Variants in UTP23 observed in about 807,000 individuals in gnomAD.
UTP23 encodes rRNA-processing protein UTP23 homolog.
In UTP23, 10 loss-of-function variants were observed where a neutral mutation model predicts 19.8. That is an observed-to-expected ratio of 0.50 (90% CI 0.31 to 0.86). The LOEUF (loss-of-function observed/expected upper bound fraction) is 0.86. Ranked by LOEUF, UTP23 falls within the 40% of genes least tolerant of loss-of-function variation. The pLI is 0.05. For missense variants in UTP23, 282 were observed against 293.1 expected (o/e 0.96, Z 0.28); for synonymous variants, 108 against 105.4 (o/e 1.02, Z -0.15).
intron 1 of UTP23, 44 bp from the exon 2 acceptor site, chr8:116,770,148 T>C (rs1457818558): frequency 2.0e-6 from 3 of 1,471,344 alleles, no homozygotes; most frequent in African/African-American, 1.4e-5. Context: ...TTTTACACCT[T>C]ATGTAAACAA....
At chr8:116,769,334 GAGAT>G (rs1295485004) in intron 1 of UTP23, among the ~76,000 whole-genome samples, 1 of 152,206 alleles carries the variant, frequency 6.6e-6, no homozygotes, top group Non-Finnish European at 1.5e-5. Flanking sequence ...CTACGTTACT[GAGAT>G]AGATAGGTTG....
Position 116,766,722 on chromosome 8 carries a change from G to A in UTP23, c.119G>A (p.Arg40Gln). Reference sequence around the variant, plus strand: ...GGCACCTTCTGTCAGGCGGCGCTGCGGGGCCGCATCCAGCTGCGGGAGCAG... The same window carrying A: ...GGCACCTTCTGTCAGGCGGCGCTGCAGGGCCGCATCCAGCTGCGGGAGCAG... Reference protein sequence around the residue: ...LDGTFCQAALRGRIQLREQLP... With the variant: ...LDGTFCQAALQGRIQLREQLP... The change falls in exon 1 of 3, where the codon CGG becomes CAG. Residue 40 changes from arginine (R) to glutamine (Q), a missense_variant. Transcript: ENST00000309822. The A allele has an allele frequency of 6.2e-7, 1 of 1,609,980 alleles. No homozygotes were observed. The highest frequency in any genetic ancestry group is 1.7e-5 in the Admixed American group (1 of 59,268).
chr8:116,768,473 C>A (rs1221792644), intron 1 of UTP23, among the ~76,000 whole-genome samples: 3 of 152,192 alleles, frequency 2.0e-5, no homozygotes, highest in Admixed American at 2.0e-4. Context: ...TGAAACCTCT[C>A]TCCAGCTTTT....
At position 116,770,364 on chromosome 8, in the gene UTP23, C is replaced by A; in HGVS notation, c.361C>A (p.Gln121Lys). The change falls in exon 2 of 3, where the codon CAG becomes AAG. Residue 121 changes from glutamine (Q) to lysine (K), a missense_variant and splice_region_variant. By Grantham distance (53) the Gln-to-Lys change is moderately conservative (BLOSUM62 1). Transcript: ENST00000309822. ...TCCTCATCATTATTTTGTGGCAACA[C>A]AGGTGATACTACTTTTAAAACCACA... ...GNPHHYFVAT[Q>K]DQNLSVKVKK... is the part of the protein sequence containing the mutation. The A allele has an allele frequency of 6.2e-7, 1 of 1,607,724 alleles. No homozygotes were observed. The highest frequency in any genetic ancestry group is 8.5e-7 in the Non-Finnish European group (1 of 1,174,976).
Position 116,773,137 on chromosome 8 carries a change from G to T in UTP23, c.*1295G>T. 1 of 985,388 alleles carries T rather than the reference G, an allele frequency of 1.0e-6. No individual in the cohort carries two copies. Among genetic ancestry groups the T allele is most frequent in the Non-Finnish European group, 1.2e-6 (1 of 829,924 alleles). The allele number at this position is 985,388 out of a possible 1,614,324, so 61.0% of individuals were successfully genotyped here. A position where few individuals can be genotyped will look rare whatever the true frequency, so the allele number is the denominator to read the frequency against. ...AAGGAGTGACACGTAGACTAATCTG[G>T]CAAGCCAAGGTAGTGTTTGGATTGC... is the stretch of plus-strand genomic sequence containing the variant. On this transcript the variant is annotated 3_prime_UTR_variant, in exon 3 of 3. Coordinates refer to ENST00000309822, the MANE Select transcript of UTP23 (RefSeq NM_032334.3).
chr8:116,771,892 C>A lies in UTP23; in HGVS notation c.*50C>A. 1 of 1,490,186 alleles carries A rather than the reference C, an allele frequency of 6.7e-7. No homozygotes were observed. Among genetic ancestry groups the A allele is most frequent in the Non-Finnish European group, 8.9e-7 (1 of 1,128,152 alleles). 92.3% of individuals were successfully genotyped at this position (1,490,186 alleles called of 1,614,324 possible). Reference sequence around the variant, plus strand: ...TTCAAATGTGAAAATGAATTTTTTACAACTAGAAGTATTTATAATAAAAGA... The same window carrying A: ...TTCAAATGTGAAAATGAATTTTTTAAAACTAGAAGTATTTATAATAAAAGA... On this transcript the variant is annotated 3_prime_UTR_variant, in exon 3 of 3. Coordinates refer to ENST00000309822, the MANE Select transcript of UTP23 (RefSeq NM_032334.3).
At chr8:116,766,930 A>G in intron 1 of UTP23, 139 bp downstream of exon 1, 1 of 832,190 alleles carries the variant, frequency 1.2e-6, no homozygotes, top group Non-Finnish European at 1.8e-6. Context: ...TTAAGTGGAG[A>G]GGTGAAGGTG....
At chr8:116,770,978 A>T (rs1376508387) in intron 2 of UTP23, 1 of 152,576 alleles carries the variant, frequency 6.6e-6, no homozygotes, top group East Asian at 1.9e-4. Context: ...ATCTTCTTGA[A>T]GGCAGGAGAA....
intron 1 of UTP23, 115 bp downstream of exon 1, chr8:116,766,906 C>T: frequency 1.9e-6 from 2 of 1,050,580 alleles, no homozygotes; most frequent in African/African-American, 1.6e-5. Flanking sequence ...GCCCCGCCCA[C>T]GTGGAGTTGA....
intron 1 of UTP23, among the ~76,000 whole-genome samples, chr8:116,768,730 T>A (rs1159556549): frequency 1.3e-5 from 2 of 152,226 alleles, no homozygotes; most frequent in African/African-American, 4.8e-5. Flanking sequence ...AGTGGTGCGA[T>A]CATGGCTCAC....
chr8:116,769,977 A>C, intron 1 of UTP23: 1 of 405,328 alleles, frequency 2.5e-6, no homozygotes, highest in East Asian at 3.6e-5. Context: ...AGCAATTTGC[A>C]TACTACATGG....
chr8:116,766,805 G>T lies in UTP23; in HGVS notation c.188+14G>T, dbSNP rs556843582. ...GTGCACCACAAGGTGGGCCCGGGGG[G>T]CTGGGGAGGAGGCACAGAGGGTCCG... On this transcript the variant is annotated intron_variant, in intron 1 of 2. Transcript: ENST00000309822. 25 of 1,518,360 alleles carry T rather than the reference G, an allele frequency of 1.6e-5. No homozygotes were observed. In the Middle Eastern group the frequency reaches 5.3e-4, roughly 32 times the overall value. The allele number at this position is 1,518,360 out of a possible 1,614,324, so 94.1% of individuals were successfully genotyped here.
chr8:116,769,909 A>G (rs1047920207), intron 1 of UTP23, among the ~76,000 whole-genome samples: 2 of 152,232 alleles, frequency 1.3e-5, no homozygotes, highest in African/African-American at 4.8e-5. Flanking sequence ...GATAATTTCA[A>G]GGTAAGCGAC....
At chr8:116,770,149 A>G in intron 1 of UTP23, 43 bp from the exon 2 acceptor site, 1 of 1,474,990 alleles carries the variant, frequency 6.8e-7, no homozygotes, top group African/African-American at 1.4e-5. Context: ...TTTACACCTT[A>G]TGTAAACAAG....
intron 1 of UTP23, chr8:116,767,020 C>T: frequency 2.1e-6 from 1 of 467,464 alleles, no homozygotes; most frequent in Non-Finnish European, 3.8e-6. Context: ...CGAATGAGAG[C>T]ACATTATAGC....
rs1815675383 is a variant in UTP23, at chr8:116,772,735, G to T, written c.*893G>T. ...TTTGAGATTGACTGTGAATGTTATT[G>T]AAAAGTGTCTAAATTAGTCTGAGGA... On this transcript the variant is annotated 3_prime_UTR_variant, in exon 3 of 3. Coordinates refer to ENST00000309822, the MANE Select transcript of UTP23 (RefSeq NM_032334.3). The T allele has an allele frequency of 1.0e-6, 1 of 985,162 alleles. No homozygotes were observed. Among genetic ancestry groups the T allele is most frequent in the Non-Finnish European group, 1.2e-6 (1 of 829,822 alleles). 61.0% of individuals were successfully genotyped at this position (985,162 alleles called of 1,614,324 possible). A position where few individuals can be genotyped will look rare whatever the true frequency, so the allele number is the denominator to read the frequency against.
rs914617386 is a variant in UTP23 at position 116,774,595 on chromosome 8, G to A, written c.*2753G>A. 1.5e-6 allele frequency: 1 copy of A among 670,172 alleles called. No homozygotes were observed. Among genetic ancestry groups the A allele is most frequent in the Admixed American group, 6.4e-5 (1 of 15,556 alleles). 41.5% of individuals were successfully genotyped at this position (670,172 alleles called of 1,614,324 possible). On this transcript the variant is annotated 3_prime_UTR_variant, in exon 3 of 3. Coordinates refer to ENST00000309822, the MANE Select transcript of UTP23 (RefSeq NM_032334.3). ...TACATAGTCTATATATTCTATATAA[G>A]AATATATTCCAATAAGAATATATTC...
chr8:116,773,272 T>C lies in UTP23; in HGVS notation c.*1430T>C. The C allele has an allele frequency of 1.0e-6, 1 of 985,388 alleles. No individual in the cohort carries two copies. Among genetic ancestry groups the C allele is most frequent in the Non-Finnish European group, 1.2e-6 (1 of 829,922 alleles). 61.0% of individuals were successfully genotyped at this position (985,388 alleles called of 1,614,324 possible). ...TAGGTTTTGTGAGGAAAGTTAACAT[T>C]TGTCAATGACAAGCATTAAGGCCAC... On this transcript the variant is annotated 3_prime_UTR_variant, in exon 3 of 3. Transcript: ENST00000309822.
chr8:116,770,535 A>T (rs769831284), intron 2 of UTP23, 169 bp downstream of exon 2: 359 of 608,698 alleles, frequency 5.9e-4, no homozygotes, highest in Non-Finnish European at 7.9e-4. Context: ...TTTGAGGAAA[A>T]CTTTAAGCAT....
Sources: gnomAD v4.1 joint callset for allele counts (sites outside exome capture counted in the v4.1 genomes callset) on GRCh38, gnomAD v4.1.1 for gene constraint, MANE v1.5 for transcripts, NCBI Gene and HGNC (gene_info 2026-07-23, HGNC 2026-07-21) for gene names.